The following TCP11L1 variants were observed in gnomAD, a reference collection of about 807,000 sequenced individuals.
The protein encoded by TCP11L1 is T-complex protein 11-like protein 1.
Under a neutral mutation model 48.9 loss-of-function variants are expected in TCP11L1, and 28 were observed. The ratio of observed to expected loss-of-function variants is 0.57; its 90% confidence interval spans 0.42 to 0.78. The LOEUF is 0.78. TCP11L1 is among the 30% of genes least tolerant of loss of function. The probability of loss-of-function intolerance (pLI) is 0.00; values close to 1 mark genes in which losing one functional copy is unlikely to be tolerated. For missense variants in TCP11L1, 505 were observed against 613.4 expected (o/e 0.82, Z 1.87); for synonymous variants, 204 against 231.9 (o/e 0.88, Z 1.09).
intron 2 of TCP11L1, chr11:33,044,158 CCTGT>C: frequency 2.4e-6 from 1 of 415,644 alleles, no homozygotes; most frequent in Non-Finnish European, 4.2e-6. Flanking sequence ...CCAGAACGTT[CCTGT>C]CTTTCTCCAG....
Position 33,048,843 on chromosome 11 carries a change from AAC to A in TCP11L1, c.163+4909_163+4910del, listed in dbSNP as rs765061174. On this transcript the variant is annotated intron_variant, in intron 2 of 9. Transcript: ENST00000334274. ...AAGTGACTTGTTCAAGGCCGTACTC[AAC>A]AGAGTCCAGAGGAAGTGAAATTCCT... 8.3e-4 allele frequency among the ~76,000 whole-genome samples: 127 copies of A among 152,362 alleles called. 1 individual carries two copies. Among genetic ancestry groups the A allele is most frequent in the East Asian group, 5.8e-4 (3 of 5,188 alleles).
At chr11:33,053,867 T>A (rs770081330) in intron 2 of TCP11L1, among the ~76,000 whole-genome samples, 13 of 152,150 alleles carry the variant, frequency 8.5e-5, no homozygotes, top group Non-Finnish European at 1.6e-4. Flanking sequence ...TCTTGCTCTG[T>A]TACCCAGGCT....
chr11:33,044,797 C>T (rs1367683296), intron 2 of TCP11L1, among the ~76,000 whole-genome samples: 1 of 152,102 alleles, frequency 6.6e-6, no homozygotes, highest in African/African-American at 2.4e-5. Context: ...ACTATTAGGT[C>T]AAATTGTGTC....
chr11:33,058,147 A>T lies in TCP11L1; in HGVS notation c.638+8A>T. ...AATAGTGCCCCTTTTCAGGTATGGA[A>T]ATATGTTAATCATACTCCGTGCAAC... On this transcript the variant is annotated splice_region_variant and intron_variant, in intron 5 of 9. Transcript: ENST00000334274. 1 of 1,607,578 alleles carries T rather than the reference A, an allele frequency of 6.2e-7. No individual in the cohort carries two copies. Among genetic ancestry groups the T allele is most frequent in the Non-Finnish European group, 8.5e-7 (1 of 1,177,966 alleles).
At chr11:33,049,923 A>G (rs757124625) in intron 2 of TCP11L1, among the ~76,000 whole-genome samples, 4 of 152,108 alleles carry the variant, frequency 2.6e-5, no homozygotes, top group Non-Finnish European at 4.4e-5. Context: ...ATCTCAGGCT[A>G]TTGCATGGGG....
chr11:33,067,209 C>G (rs954170018), intron 8 of TCP11L1, among the ~76,000 whole-genome samples: 1 of 152,164 alleles, frequency 6.6e-6, no homozygotes, highest in Non-Finnish European at 1.5e-5. Flanking sequence ...GCTTCAGTGA[C>G]CGCTCCTACC....
Position 33,061,613 on chromosome 11 carries a change from G to C in TCP11L1, c.859G>C (p.Gly287Arg), listed in dbSNP as rs763629851. The C allele has an allele frequency of 2.4e-5, 38 of 1,612,928 alleles. No homozygotes were observed. Among genetic ancestry groups the C allele is most frequent in the East Asian group, 1.3e-4 (6 of 44,832 alleles). Residue 287 changes from glycine to arginine, a missense_variant, in exon 7 of 10, where the codon GGG becomes CGG. Gly to Arg is a moderately radical substitution (Grantham distance 125). This residue lies in a region of TCP11L1 where 335 missense variants were observed against 413.3 expected (regional missense o/e 0.81). Transcript: ENST00000334274. Reference protein sequence around the residue: ...TQKYKHALPVGGMAAGSGDMP... With the variant: ...TQKYKHALPVRGMAAGSGDMP... ...GAAGTATAAACACGCCCTGCCAGTG[G>C]GGGGAATGGCTGCTGGCTCTGGGGA...
In TCP11L1 at chr11:33,043,952, T is replaced by G. The variant is rs1853912552; in HGVS notation, c.163+16T>G. Reference sequence around the variant, plus strand: ...AGACCTCACTGTAAGCAAATTTGACTTTGGTTAGATGCAATATTGTCATTG... The same window carrying G: ...AGACCTCACTGTAAGCAAATTTGACGTTGGTTAGATGCAATATTGTCATTG... On this transcript the variant is annotated intron_variant, in intron 2 of 9. Coordinates refer to ENST00000334274, the MANE Select transcript of TCP11L1 (RefSeq NM_018393.4). The G allele has an allele frequency of 6.3e-7, 1 of 1,581,686 alleles. No individual in the cohort carries two copies. Among genetic ancestry groups the G allele is most frequent in the Non-Finnish European group, 8.6e-7 (1 of 1,168,578 alleles).
intron 7 of TCP11L1, among the ~76,000 whole-genome samples, chr11:33,065,444 G>A (rs557323357): frequency 2.6e-5 from 4 of 152,200 alleles, no homozygotes; most frequent in African/African-American, 7.2e-5. Context: ...TGTATTTTTA[G>A]TAGAGATGGG....
intron 5 of TCP11L1, 72 bp from the exon 6 acceptor site, chr11:33,058,887 G>C (rs1275892628): frequency 1.9e-6 from 3 of 1,556,474 alleles, no homozygotes; most frequent in Non-Finnish European, 2.6e-6. Flanking sequence ...TGAGCCACGC[G>C]TCTGGTCCTC....
chr11:33,044,012 C>A, intron 2 of TCP11L1, 76 bp downstream of exon 2: 1 of 1,416,632 alleles, frequency 7.1e-7, no homozygotes, highest in Non-Finnish European at 9.5e-7. Flanking sequence ...CCTCCTTGTG[C>A]ATGTGGCCGT....
At chr11:33,060,332 G>A (rs1854432022) in intron 6 of TCP11L1, among the ~76,000 whole-genome samples, 1 of 152,180 alleles carries the variant, frequency 6.6e-6, no homozygotes, top group Non-Finnish European at 1.5e-5. Flanking sequence ...CAACATGAAA[G>A]CCTGGGTTTC....
At chr11:33,045,238 A>G (rs1172943447) in intron 2 of TCP11L1, among the ~76,000 whole-genome samples, 3 of 151,952 alleles carry the variant, frequency 2.0e-5, no homozygotes, top group African/African-American at 7.3e-5. Flanking sequence ...CTATAGTCCC[A>G]GCTACTTGTG....
chr11:33,054,715 C>G lies in TCP11L1; in HGVS notation c.286C>G (p.Pro96Ala). ...CTTTCAGATTAAACCAGTTGAATTA[C>G]CAGAAAACAGGTAAGGTGGTTGCTA... ...GDFQIKPVEL[P>A]ENSLKKRVKE... The change falls in exon 3 of 10, where the codon CCA (proline) becomes GCA (alanine). Residue 96 changes from proline to alanine, a missense_variant. This residue lies in a region of TCP11L1 where 168 missense variants were observed against 183.5 expected (regional missense o/e 0.92). Transcript: ENST00000334274. 1 of 1,612,530 alleles carries G rather than the reference C, an allele frequency of 6.2e-7. No individual in the cohort carries two copies. The highest frequency in any genetic ancestry group is 8.5e-7 in the Non-Finnish European group (1 of 1,179,548).
chr11:33,064,254 A>G (rs1854548035), intron 7 of TCP11L1, among the ~76,000 whole-genome samples: 1 of 152,188 alleles, frequency 6.6e-6, no homozygotes, highest in African/African-American at 2.4e-5. Flanking sequence ...TCCTAAACTC[A>G]CGTCCTGCTG....
At chr11:33,070,617 G>A (rs182062981) in intron 9 of TCP11L1, among the ~76,000 whole-genome samples, 24 of 151,368 alleles carry the variant, frequency 1.6e-4, no homozygotes, top group African/African-American at 5.3e-4. Context: ...CCTGAAAGGT[G>A]GAGATTGTGG....
intron 2 of TCP11L1, among the ~76,000 whole-genome samples, chr11:33,054,087 A>C (rs1269984068): frequency 6.6e-6 from 1 of 152,170 alleles, no homozygotes; most frequent in East Asian, 1.9e-4. Flanking sequence ...AAGTGCTAGC[A>C]TTACAGGTGT....
At chr11:33,066,849 C>T (rs1257279949) in intron 8 of TCP11L1, among the ~76,000 whole-genome samples, 2 of 152,146 alleles carry the variant, frequency 1.3e-5, no homozygotes, top group Admixed American at 6.5e-5. Flanking sequence ...GTAAGAAATT[C>T]ATTTTCCATT....
At chr11:33,063,279 A>C (rs926375017) in intron 7 of TCP11L1, among the ~76,000 whole-genome samples, 5 of 152,234 alleles carry the variant, frequency 3.3e-5, no homozygotes, top group African/African-American at 1.2e-4. Context: ...GCTTCTGTGA[A>C]TATTCCAGTA....
Sources: allele counts gnomAD v4.1 joint callset (sites outside exome capture counted in the v4.1 genomes callset), GRCh38; gene constraint gnomAD v4.1.1; regional missense constraint gnomAD v4.1.1; transcripts MANE v1.5; gene names NCBI Gene and HGNC (gene_info 2026-07-23, HGNC 2026-07-21).